Variants in VPS13B observed in about 807,000 individuals in gnomAD.
The protein encoded by VPS13B is intermembrane lipid transfer protein VPS13B.
Under a neutral mutation model 426.4 loss-of-function variants are expected in VPS13B, and 285 were observed. That is an observed-to-expected ratio of 0.67 (90% CI 0.61 to 0.74). VPS13B has a LOEUF of 0.74. VPS13B is among the 30% of genes least tolerant of loss of function. The probability of loss-of-function intolerance (pLI) is 0.00; values close to 1 mark genes in which losing one functional copy is unlikely to be tolerated. For synonymous variants in VPS13B, 1,676 were observed against 1,676.4 expected, an observed-to-expected ratio of 1.00 and a Z score of 0.01; for missense variants, 4,537 against 4,782.6, an observed-to-expected ratio of 0.95 and a Z score of 1.51.
At chr8:99,111,074 TA>T (rs1193176436) in intron 5 of VPS13B, 23 bp from the exon 6 acceptor site, 1 of 1,592,852 alleles carries the variant, frequency 6.3e-7, no homozygotes, top group Admixed American at 1.7e-5. Context: ...CCTTTTTACT[TA>T]AAATGTTTTT....
intron 27 of VPS13B, among the ~76,000 whole-genome samples, chr8:99,503,959 C>T (rs973490147): frequency 3.9e-5 from 6 of 152,186 alleles, no homozygotes; most frequent in Non-Finnish European, 8.8e-5. Context: ...CTAGAACCTT[C>T]GGAAGAATCA....
chr8:99,666,932 T>A (rs1396985632), intron 35 of VPS13B, among the ~76,000 whole-genome samples: 1 of 152,196 alleles, frequency 6.6e-6, no homozygotes, highest in Non-Finnish European at 1.5e-5. Flanking sequence ...CCCAGAAATG[T>A]ACTTTTTACA....
rs553774701 is a variant in VPS13B at position 99,671,586 on chromosome 8, T to C, written c.6046+10095T>C. 2.6e-5 allele frequency among the ~76,000 whole-genome samples: 4 copies of C among 152,300 alleles called. No individual in the cohort carries two copies. The South Asian group carries it at 8.3e-4, about 32-fold the overall frequency. On this transcript the variant is annotated intron_variant, in intron 35 of 61. Coordinates refer to ENST00000357162, the MANE Select transcript of VPS13B (RefSeq NM_152564.5). ...GCTTTTCCCCTGTGTTTTCTTCTAG[T>C]AGTTTCGTAGTTTTTGGTCTTACTA...
chr8:99,704,071 T>C (rs1832400253), intron 36 of VPS13B, among the ~76,000 whole-genome samples: 1 of 152,142 alleles, frequency 6.6e-6, no homozygotes. Flanking sequence ...CCCCTGTCCA[T>C]AAGGACTTGG....
chr8:99,075,244 C>T (rs1178799871), intron 3 of VPS13B, among the ~76,000 whole-genome samples: 1 of 152,114 alleles, frequency 6.6e-6, no homozygotes, highest in Non-Finnish European at 1.5e-5. Flanking sequence ...TTAATTTGCT[C>T]ACAGTTCTGC....
rs573996772 is a variant in VPS13B at position 99,179,589 on chromosome 8, C to G, written c.2333+9426C>G. On this transcript the variant is annotated intron_variant, in intron 16 of 61. Transcript: ENST00000357162. ...ATACTTTTTCTGACCTGGTCACTTC[C>G]CCTCTAAAATATGCTTTAAAATATG... Among the ~76,000 whole-genome samples the G allele has an allele frequency of 2.9e-4, 44 of 152,220 alleles. No homozygotes were observed. In the South Asian group the frequency reaches 9.1e-3, roughly 32 times the overall value.
Position 99,170,079 on chromosome 8 carries a change from G to A in VPS13B, c.2249G>A (p.Ser750Asn). 1 of 1,612,984 alleles carries A rather than the reference G, an allele frequency of 6.2e-7. No homozygotes were observed. The change falls in exon 16 of 62, where the codon AGT becomes AAT. Residue 750 changes from serine to asparagine, a missense_variant. Transcript: ENST00000357162. ...GCAGGACTGACGTCTTTGGATTGCA[G>A]TGGATCTTACTGCTTACCTGTACCA... ...FQAGLTSLDC[S>N]GSYCLPVPVI...
rs71273165 is a variant in VPS13B, at chr8:99,128,386, C to CAAAAAA, written c.1207-6210_1207-6205dup. On this transcript the variant is annotated intron_variant, in intron 8 of 61. Transcript: ENST00000357162. ...TGGGTGACAGAGCAAGATACTGTCCCAAAAAAAAAAAAAAAAAAAAAAAAA... is the reference window on the plus strand; with the variant it reads ...TGGGTGACAGAGCAAGATACTGTCCCAAAAAAAAAAAAAAAAAAAAAAAAAAAAAAA... Among the ~76,000 whole-genome samples, 3 of 34,220 alleles carry CAAAAAA rather than the reference C, an allele frequency of 8.8e-5. 1 individual carries two copies. The highest frequency in any genetic ancestry group is 3.3e-4 in the African/African-American group (3 of 8,972). The allele number at this position is 34,220 out of a possible 152,430, so 22.4% of individuals were successfully genotyped here.
At chr8:99,319,382 G>A (rs957462615) in intron 19 of VPS13B, among the ~76,000 whole-genome samples, 3 of 152,066 alleles carry the variant, frequency 2.0e-5, no homozygotes, top group Non-Finnish European at 4.4e-5. Flanking sequence ...GAGCTTTCTG[G>A]GTCTATTAAA....
intron 49 of VPS13B, 76 bp from the exon 50 acceptor site, chr8:99,821,218 A>C: frequency 6.7e-7 from 1 of 1,499,022 alleles, no homozygotes; most frequent in Non-Finnish European, 9.1e-7. Flanking sequence ...AATATTAAAA[A>C]AAAAATCCTG....
intron 39 of VPS13B, among the ~76,000 whole-genome samples, chr8:99,730,300 A>T (rs765363553): frequency 5.3e-5 from 8 of 152,210 alleles, no homozygotes; most frequent in Non-Finnish European, 1.0e-4. Context: ...GGGAAGTAGG[A>T]GGTTGAGCCA....
At chr8:99,851,991 T>G (rs1816319202) in intron 55 of VPS13B, among the ~76,000 whole-genome samples, 2 of 152,148 alleles carry the variant, frequency 1.3e-5, no homozygotes, top group Non-Finnish European at 2.9e-5. Flanking sequence ...ACTGATGGCT[T>G]AGACTACAGT....
intron 16 of VPS13B, among the ~76,000 whole-genome samples, chr8:99,190,417 T>C (rs1028646051): frequency 1.3e-5 from 2 of 152,078 alleles, no homozygotes; most frequent in African/African-American, 4.8e-5. Flanking sequence ...TAATACTATA[T>C]TTTGGGGTTT....
At chr8:99,684,467 A>T (rs1788161) in intron 35 of VPS13B, among the ~76,000 whole-genome samples, 129,519 of 152,156 alleles carry the variant, frequency 0.85, 55,245 homozygotes, top group South Asian at 0.92. Context: ...CTTCTCCTTG[A>T]ACTCTCTCTA....
At chr8:99,670,969 A>G (rs1359034247) in intron 35 of VPS13B, among the ~76,000 whole-genome samples, 1 of 152,116 alleles carries the variant, frequency 6.6e-6, no homozygotes, top group Non-Finnish European at 1.5e-5. Context: ...TCTCTTCGGC[A>G]CACTGGTTTC....
At chr8:99,487,121 A>C (rs1280791866) in intron 25 of VPS13B, among the ~76,000 whole-genome samples, 1 of 152,026 alleles carries the variant, frequency 6.6e-6, no homozygotes, top group African/African-American at 2.4e-5. Context: ...AAAAAAAAAA[A>C]AAACAGAGGA....
chr8:99,301,812 A>T (rs537754428), intron 19 of VPS13B, among the ~76,000 whole-genome samples: 67 of 152,266 alleles, frequency 4.4e-4, no homozygotes, highest in Middle Eastern at 3.4e-3. Context: ...TTTTAAATAC[A>T]GATGGGGTCT....
chr8:99,047,870 TAG>T (rs905120963), intron 3 of VPS13B, among the ~76,000 whole-genome samples: 1 of 152,100 alleles, frequency 6.6e-6, no homozygotes, highest in African/African-American at 2.4e-5. Context: ...GTATTTTTAG[TAG>T]AGACGTGGTT....
chr8:99,244,782 A>G (rs1397218773), intron 17 of VPS13B, among the ~76,000 whole-genome samples: 1 of 152,208 alleles, frequency 6.6e-6, no homozygotes, highest in Non-Finnish European at 1.5e-5. Flanking sequence ...GTATTAGTCC[A>G]TATAAGTGCC....
Sources: gnomAD v4.1 joint callset for allele counts (sites outside exome capture counted in the v4.1 genomes callset) on GRCh38, gnomAD v4.1.1 for gene constraint, MANE v1.5 for transcripts, NCBI Gene and HGNC (gene_info 2026-07-23, HGNC 2026-07-21) for gene names.